TAAR5: variants seen among roughly 807,000 people sequenced by gnomAD.
The protein encoded by TAAR5 is trace amine associated receptor 5.
Under a neutral mutation model 21.1 loss-of-function variants are expected in TAAR5, and 27 were observed. The ratio of observed to expected loss-of-function variants is 1.28; its 90% confidence interval spans 0.94 to 1.76. The LOEUF (loss-of-function observed/expected upper bound fraction) is 1.76. Ranked by LOEUF, TAAR5 falls within the 40% of genes most tolerant of loss-of-function variation. The probability of loss-of-function intolerance (pLI) is 0.00; values close to 1 mark genes in which losing one functional copy is unlikely to be tolerated. For missense variants in TAAR5, 495 were observed against 405.6 expected (o/e 1.22, Z -1.89); for synonymous variants, 203 against 167.5 (o/e 1.21, Z -1.64).
chr6:132,598,544 C>T, the TAAR5 span, among the ~76,000 whole-genome samples: 1 of 152,206 alleles, frequency 6.6e-6, no homozygotes, highest in African/African-American at 2.4e-5. Flanking sequence ...GTCTGCCCTG[C>T]TCACACTCAC....
At chr6:132,607,884 T>C in the TAAR5 span, among the ~76,000 whole-genome samples, 1 of 152,172 alleles carries the variant, frequency 6.6e-6, no homozygotes, top group Non-Finnish European at 1.5e-5. Context: ...TGGTATCAGA[T>C]AGGAACCAAA....
the TAAR5 span, among the ~76,000 whole-genome samples, chr6:132,604,581 A>C: frequency 1.3e-5 from 2 of 152,198 alleles, no homozygotes; most frequent in Non-Finnish European, 2.9e-5. Flanking sequence ...TGAATGACTA[A>C]CTGAGGAGGC....
At chr6:132,599,323 CTTTTTTTT>C in the TAAR5 span, among the ~76,000 whole-genome samples, 34 of 98,460 alleles carry the variant, frequency 3.5e-4, no homozygotes, top group African/African-American at 9.0e-4. Flanking sequence ...CTTTTCTTTT[CTTTTTTTT>C]TTTTTTTTTT....
chr6:132,589,271 G>C lies in TAAR5; in HGVS notation c.416C>G (p.Pro139Arg). Reference sequence around the variant, plus strand: ...TGTGAACTTGGAGGGATAGAGCAGGGGGTCACAGATGGCACAGTGGCGGTC... The same window carrying C: ...TGTGAACTTGGAGGGATAGAGCAGGCGGTCACAGATGGCACAGTGGCGGTC... ...SIDRHCAICD[P>R]LLYPSKFTVR... Residue 139 changes from proline to arginine, a missense_variant, in exon 1 of 1, where the codon CCC (proline) becomes CGC (arginine). Physicochemically the swap from Pro to Arg is moderately radical, Grantham distance 103. Coordinates refer to ENST00000258034, the MANE Select transcript of TAAR5 (RefSeq NM_003967.3). 1 of 1,610,896 alleles carries C rather than the reference G, an allele frequency of 6.2e-7. No homozygotes were observed. Among genetic ancestry groups the C allele is most frequent in the Non-Finnish European group, 8.5e-7 (1 of 1,178,338 alleles).
rs202029930 is a variant in TAAR5 at position 132,588,840 on chromosome 6, G to C, written c.847C>G (p.Pro283Ala). The C allele has an allele frequency of 1.4e-5, 23 of 1,614,118 alleles. No homozygotes were observed. In the East Asian group the frequency reaches 1.6e-4, roughly 11 times the overall value. ...MVDSLLHFIT[P>A]PLVFDIFIWF... ...ATAAAGATGTCAAAGACCAGTGGGG[G>C]TGTGATAAAGTGAAGGAGGCTGTCG... Residue 283 changes from proline to alanine, a missense_variant, in exon 1 of 1, where the codon CCC becomes GCC. By Grantham distance (27) the Pro-to-Ala change is conservative (BLOSUM62 -1). Transcript: ENST00000258034.
chr6:132,595,469 T>C, the TAAR5 span: 1 of 152,134 alleles, frequency 6.6e-6, no homozygotes, highest in Admixed American at 6.6e-5. Context: ...TGAATCTTGT[T>C]CAAAAGTGCT....
the TAAR5 span, chr6:132,608,362 G>C: frequency 4.4e-6 from 2 of 455,940 alleles, no homozygotes; most frequent in Non-Finnish European, 8.8e-6. Context: ...ATGAATAAGA[G>C]GGTTGCAAGT....
chr6:132,598,805 C>A, the TAAR5 span, among the ~76,000 whole-genome samples: 1 of 151,776 alleles, frequency 6.6e-6, no homozygotes, highest in Admixed American at 6.6e-5. Context: ...CAAGGACTAG[C>A]CTCACACAAG....
At chr6:132,598,357 A>G in the TAAR5 span, among the ~76,000 whole-genome samples, 78,816 of 152,098 alleles carry the variant, frequency 0.52, 21,488 homozygotes, top group African/African-American at 0.69. Flanking sequence ...CTTTCAACAC[A>G]CAAAAAATAG....
At chr6:132,604,587 G>A in the TAAR5 span, among the ~76,000 whole-genome samples, 8 of 152,164 alleles carry the variant, frequency 5.3e-5, no homozygotes, top group Non-Finnish European at 1.0e-4. Context: ...ACTAACTGAG[G>A]AGGCAATGAT....
chr6:132,601,105 G>GA, the TAAR5 span, among the ~76,000 whole-genome samples: 747 of 125,930 alleles, frequency 5.9e-3, 8 homozygotes, highest in Non-Finnish European at 9.0e-3. Flanking sequence ...GGGAAGGAGG[G>GA]AAGAAGGGAA....
chr6:132,605,948 C>T, the TAAR5 span, among the ~76,000 whole-genome samples: 2 of 135,712 alleles, frequency 1.5e-5, no homozygotes, highest in African/African-American at 2.9e-5. Context: ...GAATAGCATC[C>T]TTTGCAGCAA....
At chr6:132,607,703 A>G in the TAAR5 span, among the ~76,000 whole-genome samples, 1 of 152,190 alleles carries the variant, frequency 6.6e-6, no homozygotes, top group African/African-American at 2.4e-5. Flanking sequence ...GGCAGTAGTG[A>G]GCCTAAAGGT....
chr6:132,598,374 A>G, the TAAR5 span, among the ~76,000 whole-genome samples: 1 of 152,224 alleles, frequency 6.6e-6, no homozygotes, highest in Non-Finnish European at 1.5e-5. Context: ...ATAGCAAACA[A>G]AGAAAATAAA....
At chr6:132,613,641 C>A in the TAAR5 span, among the ~76,000 whole-genome samples, 1 of 152,120 alleles carries the variant, frequency 6.6e-6, no homozygotes, top group African/African-American at 2.4e-5. Flanking sequence ...ATTTGCAATG[C>A]AATATATCAT....
the TAAR5 span, among the ~76,000 whole-genome samples, chr6:132,600,822 AGGG>A: frequency 4.4e-5 from 6 of 137,442 alleles, no homozygotes; most frequent in South Asian, 2.8e-4. Flanking sequence ...GGAAGGAGGG[AGGG>A]AAGGAAGGAA....
chr6:132,608,994 A>G, the TAAR5 span: 5 of 455,616 alleles, frequency 1.1e-5, no homozygotes, highest in East Asian at 7.0e-5. Context: ...AGTACCAGCA[A>G]CTCTCCACTG....
upstream of TAAR5, among the ~76,000 whole-genome samples, chr6:132,593,215 A>G (rs113097510): frequency 6.6e-5 from 10 of 152,252 alleles, no homozygotes; most frequent in African/African-American, 2.4e-4. Flanking sequence ...ATGTCAGGCT[A>G]AATTTTCCTC....
chr6:132,612,621 T>C, the TAAR5 span, among the ~76,000 whole-genome samples: 1 of 152,184 alleles, frequency 6.6e-6, no homozygotes, highest in Non-Finnish European at 1.5e-5. Context: ...TTCAGCTAAA[T>C]GCAGTTGGGA....
Sources: gnomAD v4.1 joint callset for allele counts (sites outside exome capture counted in the v4.1 genomes callset) on GRCh38, gnomAD v4.1.1 for gene constraint, MANE v1.5 for transcripts, NCBI Gene and HGNC (gene_info 2026-07-23, HGNC 2026-07-21) for gene names.